Variants in FAM228A observed in about 807,000 individuals in gnomAD.
FAM228A encodes the protein family with sequence similarity 228 member A, also known as protein FAM228A.
Under a neutral mutation model 18.6 loss-of-function variants are expected in FAM228A, and 13 were observed. The observed-to-expected ratio is 0.70, with a 90% confidence interval of 0.45 to 1.11. The LOEUF (loss-of-function observed/expected upper bound fraction) is 1.11. Among genes scored for constraint, FAM228A ranks in the 50% least tolerant of loss-of-function variants. FAM228A has a pLI of 0.00. For missense variants in FAM228A, 240 were observed against 242.2 expected, an observed-to-expected ratio of 0.99 and a Z score of 0.06; for synonymous variants, 77 against 86.6, an observed-to-expected ratio of 0.89 and a Z score of 0.61.
chr2:24,190,299 C>A, intron 5 of FAM228A, 113 bp from the exon 6 acceptor site: 1 of 1,291,132 alleles, frequency 7.7e-7, no homozygotes, highest in Non-Finnish European at 1.0e-6. Context: ...GCTGGTCAGT[C>A]GTTCCTTCTC....
chr2:24,183,476 A>AT lies in FAM228A; in HGVS notation c.251-13dup, dbSNP rs778447727. 1.2e-5 allele frequency: 19 copies of AT among 1,608,158 alleles called. No individual in the cohort carries two copies. In the East Asian group the frequency reaches 3.8e-4, roughly 32 times the overall value. On this transcript the variant is annotated intron_variant, in intron 4 of 5. Transcript: ENST00000295150. ...GAGTTCTTGAAGAGTGTTGATTTCG[A>AT]TTTTTTATCTTCCTGTAGGAAAACG...
chr2:24,183,591 CAA>C lies in FAM228A; in HGVS notation c.350_351del (p.Lys117ArgfsTer4). Reference sequence around the variant, plus strand: ...ACTTTCACTTCACACTGTGTGATTCCAAAAGAGTGGCATAAAGCCTCTGCAAG... The same window carrying C: ...ACTTTCACTTCACACTGTGTGATTCCAAGAGTGGCATAAAGCCTCTGCAAG... On this transcript the variant is annotated frameshift_variant, in exon 5 of 6. Coordinates refer to ENST00000295150, the MANE Select transcript of FAM228A (RefSeq NM_001040710.3). LOFTEE classifies it high-confidence loss of function. 1 of 1,613,930 alleles carries C rather than the reference CAA, an allele frequency of 6.2e-7. No individual in the cohort carries two copies. The highest frequency in any genetic ancestry group is 8.5e-7 in the Non-Finnish European group (1 of 1,179,870).
chr2:24,178,573 T>G (rs1427257263), intron 3 of FAM228A, among the ~76,000 whole-genome samples: 1 of 152,108 alleles, frequency 6.6e-6, no homozygotes, highest in Non-Finnish European at 1.5e-5. Context: ...GACCCTGTCT[T>G]TTAAACAAAA....
At chr2:24,189,099 T>C (rs2151049328) in intron 5 of FAM228A, among the ~76,000 whole-genome samples, 1 of 152,282 alleles carries the variant, frequency 6.6e-6, no homozygotes, top group East Asian at 1.9e-4. Context: ...GTTGGCGTCA[T>C]CTCCCCTCTG....
Position 24,180,976 on chromosome 2 carries a change from C to T in FAM228A, c.163-2309C>T, listed in dbSNP as rs564078234. On this transcript the variant is annotated intron_variant, in intron 3 of 5. Transcript: ENST00000295150. ...AAGTATTTTAAAGGCCGACATTAGC[C>T]GATGAATTAGATGTGTAGAACTAGT... 4.5e-4 allele frequency among the ~76,000 whole-genome samples: 68 copies of T among 152,204 alleles called. No individual in the cohort carries two copies. In the Middle Eastern group the frequency reaches 0.017, roughly 38 times the overall value.
At chr2:24,175,408 G>A (rs577851822) in intron 1 of FAM228A, 59 bp from the exon 2 acceptor site, 1 of 1,244,510 alleles carries the variant, frequency 8.0e-7, no homozygotes, top group Non-Finnish European at 1.2e-6. Flanking sequence ...TGAGCCCAAA[G>A]GCCTGGCTCT....
chr2:24,189,848 G>T (rs572495868), intron 5 of FAM228A, among the ~76,000 whole-genome samples: 7 of 152,084 alleles, frequency 4.6e-5, no homozygotes, highest in Non-Finnish European at 7.4e-5. Context: ...GAGGGGGCTC[G>T]ATATGTTAGA....
chr2:24,183,688 C>A, intron 5 of FAM228A, 43 bp downstream of exon 5: 1 of 1,522,052 alleles, frequency 6.6e-7, no homozygotes, highest in Non-Finnish European at 8.9e-7. Context: ...TAACTTGCAA[C>A]TTACTTTATT....
intron 3 of FAM228A, chr2:24,179,258 C>CAA (rs61193015): frequency 0.96 from 708,692 of 735,046 alleles, 343,005 homozygotes; most frequent in Admixed American, 0.97. Context: ...TAAAATGAAA[C>CAA]GAGAATGTTG....
At position 24,183,179 on chromosome 2, in the gene FAM228A, T is replaced by G; in HGVS notation, c.163-106T>G. The G allele has an allele frequency of 3.6e-6, 3 of 831,504 alleles. No homozygotes were observed. In the South Asian group the frequency reaches 4.4e-5, roughly 12 times the overall value. The allele number at this position is 831,504 out of a possible 1,614,324, so 51.5% of individuals were successfully genotyped here. ...CCTCGCCCCCTCCTGCCCTTCCCAC[T>G]CTTGTAGTCCTCAGGGTCTATTGTT... On this transcript the variant is annotated intron_variant, in intron 3 of 5. Coordinates refer to ENST00000295150, the MANE Select transcript of FAM228A (RefSeq NM_001040710.3).
At chr2:24,187,177 C>T (rs528246610) in intron 5 of FAM228A, among the ~76,000 whole-genome samples, 1 of 152,294 alleles carries the variant, frequency 6.6e-6, no homozygotes, top group South Asian at 2.1e-4. Context: ...TACCTCACAA[C>T]AAATAAACAA....
intron 3 of FAM228A, among the ~76,000 whole-genome samples, chr2:24,182,457 T>A (rs1163389376): frequency 6.6e-6 from 1 of 152,244 alleles, no homozygotes; most frequent in East Asian, 1.9e-4. Flanking sequence ...AGCACTGGGA[T>A]GAGTGCTGTG....
At chr2:24,189,810 G>A (rs1314529438) in intron 5 of FAM228A, among the ~76,000 whole-genome samples, 1 of 152,114 alleles carries the variant, frequency 6.6e-6, no homozygotes, top group Non-Finnish European at 1.5e-5. Context: ...GATGACAAAA[G>A]CCAGAATCCT....
intron 3 of FAM228A, among the ~76,000 whole-genome samples, chr2:24,180,434 A>G (rs1236474683): frequency 2.6e-5 from 4 of 152,200 alleles, no homozygotes; most frequent in Non-Finnish European, 5.9e-5. Flanking sequence ...CCTGAGTGAC[A>G]GTGAGACCCT....
intron 5 of FAM228A, among the ~76,000 whole-genome samples, 171 bp downstream of exon 5, chr2:24,183,816 A>G (rs917535745): frequency 6.6e-6 from 1 of 152,166 alleles, no homozygotes; most frequent in Non-Finnish European, 1.5e-5. Flanking sequence ...TAAAACATAA[A>G]CAGCTTACCG....
chr2:24,185,556 G>A (rs900109058), intron 5 of FAM228A, among the ~76,000 whole-genome samples: 3 of 152,180 alleles, frequency 2.0e-5, no homozygotes, highest in African/African-American at 7.2e-5. Flanking sequence ...AATTTGGGGA[G>A]AATTGACATC....
chr2:24,188,515 C>T, intron 5 of FAM228A: 2 of 985,418 alleles, frequency 2.0e-6, no homozygotes, highest in Non-Finnish European at 2.4e-6. Context: ...CTTGACTTGC[C>T]TCTTAGCGGG....
chr2:24,190,028 CTCTT>C (rs1573810835), intron 5 of FAM228A, among the ~76,000 whole-genome samples: 1 of 152,294 alleles, frequency 6.6e-6, no homozygotes, highest in African/African-American at 2.4e-5. Flanking sequence ...TGCTCTGTTT[CTCTT>C]TCTTTGCACA....
intron 2 of FAM228A, 173 bp downstream of exon 2, chr2:24,175,746 G>A: frequency 1.3e-6 from 1 of 748,522 alleles, no homozygotes; most frequent in Non-Finnish European, 2.1e-6. Context: ...GGCCAAGAGT[G>A]TTTCCAGTCG....
Sources: gnomAD v4.1 joint callset for allele counts (sites outside exome capture counted in the v4.1 genomes callset) on GRCh38, gnomAD v4.1.1 for gene constraint, MANE v1.5 for transcripts, NCBI Gene and HGNC (gene_info 2026-07-23, HGNC 2026-07-21) for gene names.